C22orf15: variants seen among roughly 807,000 people sequenced by gnomAD.
C22orf15 encodes chromosome 22 open reading frame 15.
Under a neutral mutation model 20.3 loss-of-function variants are expected in C22orf15, and 21 were observed. That is an observed-to-expected ratio of 1.04 (90% CI 0.74 to 1.49). C22orf15 has a LOEUF of 1.49. Ranked by LOEUF, C22orf15 falls within the 40% of genes most tolerant of loss-of-function variation. The pLI is 0.00. For missense variants in C22orf15, 170 were observed against 191.1 expected, an observed-to-expected ratio of 0.89 and a Z score of 0.65; for synonymous variants, 78 against 75.4, an observed-to-expected ratio of 1.03 and a Z score of -0.18.
intron 4 of C22orf15, 36 bp downstream of exon 4, chr22:23,764,749 C>T (rs371418996): frequency 2.4e-5 from 38 of 1,614,044 alleles, no homozygotes; most frequent in Non-Finnish European, 9.3e-6. Context: ...GGAGGGCACA[C>T]CTTCTCCCTA....
Position 23,765,748 on chromosome 22 carries a change from A to G in C22orf15, c.*16A>G, listed in dbSNP as rs1333435091. ...CCCTGATTAAGGGGATGGATTGCAC[A>G]CTGTAGTGAGACATCCATCCTGACC... On this transcript the variant is annotated 3_prime_UTR_variant, in exon 6 of 6. Transcript: ENST00000402217. The G allele has an allele frequency of 3.2e-6, 5 of 1,550,744 alleles. No individual in the cohort carries two copies. The East Asian group carries it at 1.2e-4, about 38-fold the overall frequency.
chr22:23,765,223 G>A (rs761972435), intron 5 of C22orf15: 174 of 1,457,368 alleles, frequency 1.2e-4, no homozygotes, highest in Non-Finnish European at 1.5e-4. Context: ...CAATGAAGGC[G>A]GCAGCATGGT....
At chr22:23,764,573 G>A (rs774929772) in intron 3 of C22orf15, 66 bp from the exon 4 acceptor site, 4 of 1,585,150 alleles carry the variant, frequency 2.5e-6, no homozygotes. Flanking sequence ...CAGTTCCAGA[G>A]TGAGAGGCAG....
At chr22:23,765,078 C>A in intron 5 of C22orf15, 176 bp downstream of exon 5, 1 of 1,451,296 alleles carries the variant, frequency 6.9e-7, no homozygotes, top group South Asian at 1.4e-5. Flanking sequence ...ATGGAACACA[C>A]TGTACCCTGA....
intron 1 of C22orf15, 122 bp downstream of exon 1, chr22:23,763,453 C>T (rs1410525755): frequency 8.7e-6 from 7 of 802,738 alleles, no homozygotes; most frequent in Non-Finnish European, 1.2e-5. Context: ...GTGCACATGG[C>T]GGGGGTCGTC....
chr22:23,764,012 G>A (rs1323828418), intron 1 of C22orf15, 75 bp from the exon 2 acceptor site: 4 of 1,398,646 alleles, frequency 2.9e-6, no homozygotes, highest in Non-Finnish European at 4.0e-6. Context: ...GGGAGAGATG[G>A]GAGGGAGAGA....
chr22:23,763,352 TG>T (rs1474305476), intron 1 of C22orf15, 21 bp downstream of exon 1: 151 of 1,543,760 alleles, frequency 9.8e-5, no homozygotes, highest in Admixed American at 2.4e-4. Flanking sequence ...TCCCCTGTCT[TG>T]GTAGGCGGAT....
intron 1 of C22orf15, 128 bp downstream of exon 1, chr22:23,763,459 T>C: frequency 1.7e-4 from 123 of 714,016 alleles, no homozygotes; most frequent in Non-Finnish European, 2.3e-4. Flanking sequence ...ATGGCGGGGG[T>C]CGTCGGGGAA....
In C22orf15 at chr22:23,764,785, C is replaced by T. The variant is rs1926463443; in HGVS notation, c.326-8C>T. On this transcript the variant is annotated splice_polypyrimidine_tract_variant and splice_region_variant and intron_variant, in intron 4 of 5. Transcript: ENST00000402217. Reference sequence around the variant, plus strand: ...ACCCCTACCAACAGGACTTCCTGGGCCTTCCAGAGGAACTGCGCAGGCTGT... The same window carrying T: ...ACCCCTACCAACAGGACTTCCTGGGTCTTCCAGAGGAACTGCGCAGGCTGT... 1 of 1,614,030 alleles carries T rather than the reference C, an allele frequency of 6.2e-7. No homozygotes were observed. The highest frequency in any genetic ancestry group is 8.5e-7 in the Non-Finnish European group (1 of 1,180,018).
intron 1 of C22orf15, 97 bp from the exon 2 acceptor site, chr22:23,763,990 A>G (rs1926174476): frequency 3.3e-6 from 4 of 1,202,978 alleles, no homozygotes; most frequent in Non-Finnish European, 4.8e-6. Flanking sequence ...GCCCAGTCGC[A>G]GCTCTGGGAA....
intron 5 of C22orf15, 173 bp downstream of exon 5, chr22:23,765,075 A>T: frequency 6.9e-7 from 1 of 1,453,844 alleles, no homozygotes; most frequent in South Asian, 1.4e-5. Context: ...CAGATGGAAC[A>T]CACTGTACCC....
In C22orf15 at chr22:23,764,130, C is replaced by T; in HGVS notation, c.69C>T (p.Asn23=). ...TGAACACCTCTTGCAGGCTGGTGAA[C>T]CTCACCGCCCACCTGAGGCAGAAAG... ...VLVNTSCRLV[N]LTAHLRQKAG... The change falls in exon 2 of 6, where the codon AAC becomes AAT. Residue 23 remains asparagine (N), a synonymous_variant. Transcript: ENST00000402217. 1.9e-6 allele frequency: 3 copies of T among 1,551,390 alleles called. No homozygotes were observed. The highest frequency in any genetic ancestry group is 2.6e-6 in the Non-Finnish European group (3 of 1,146,988).
At chr22:23,764,767 C>T (rs1445066582) in intron 4 of C22orf15, 26 bp from the exon 5 acceptor site, 40 of 1,614,018 alleles carry the variant, frequency 2.5e-5, no homozygotes, top group Non-Finnish European at 3.3e-5. Context: ...CTAACCCCTA[C>T]CAACAGGACT....
At chr22:23,763,754 G>A (rs1601338916) in intron 1 of C22orf15, among the ~76,000 whole-genome samples, 1 of 152,238 alleles carries the variant, frequency 6.6e-6, no homozygotes, top group African/African-American at 2.4e-5. Context: ...AGGAGCCGGT[G>A]GGTGCGGAGG....
At position 23,764,861 on chromosome 22, in the gene C22orf15, C is replaced by G; in HGVS notation, c.394C>G (p.Arg132Gly). The G allele has an allele frequency of 6.2e-7, 1 of 1,613,600 alleles. No individual in the cohort carries two copies. Among genetic ancestry groups the G allele is most frequent in the Non-Finnish European group, 8.5e-7 (1 of 1,179,896 alleles). The change falls in exon 5 of 6, where the codon CGA becomes GGA. Residue 132 changes from arginine to glycine, a missense_variant. Arg to Gly is a moderately radical substitution (Grantham distance 125). Coordinates refer to ENST00000402217, the MANE Select transcript of C22orf15 (RefSeq NM_182520.3). ...CTGGAGGAAGCGTATGGGCACTCGG[C>G]GAGGCCGCCATGAGCAAAGCCCCAC... ...HNWRKRMGTR[R>G]GRHEQSPTSR... is the part of the protein sequence containing the mutation.
chr22:23,763,976 A>C (rs1926170620), intron 1 of C22orf15, 111 bp from the exon 2 acceptor site: 1 of 1,060,168 alleles, frequency 9.4e-7, no homozygotes, highest in African/African-American at 1.6e-5. Flanking sequence ...GTCTTAGCCC[A>C]TAGGCCCAGT....
At chr22:23,763,624 C>T (rs1255938517) in intron 1 of C22orf15, among the ~76,000 whole-genome samples, 1 of 152,250 alleles carries the variant, frequency 6.6e-6, no homozygotes, top group African/African-American at 2.4e-5. Context: ...CTTCGCCATT[C>T]AATCCGTGAT....
chr22:23,763,388 G>A, intron 1 of C22orf15, 57 bp downstream of exon 1: 2 of 1,508,802 alleles, frequency 1.3e-6, no homozygotes, highest in Non-Finnish European at 1.8e-6. Context: ...ACTCAGAGGC[G>A]TGCTTCCTTC....
rs145039987 is a variant in C22orf15, at chr22:23,764,619, C to A, written c.251-20C>A. The A allele has an allele frequency of 6.2e-7, 1 of 1,612,968 alleles. No homozygotes were observed. Among genetic ancestry groups the A allele is most frequent in the Non-Finnish European group, 8.5e-7 (1 of 1,178,912 alleles). ...ATTAGGCCAGTCAGGTGTCCTTCAT[C>A]GTCTCTCCACATGTCACAGAGGGAG... On this transcript the variant is annotated intron_variant, in intron 3 of 5. Transcript: ENST00000402217.
Sources: gnomAD v4.1 joint callset for allele counts (sites outside exome capture counted in the v4.1 genomes callset) on GRCh38, gnomAD v4.1.1 for gene constraint, MANE v1.5 for transcripts, NCBI Gene and HGNC (gene_info 2026-07-23, HGNC 2026-07-21) for gene names.